Variants in BRDT observed in about 807,000 individuals in gnomAD.
BRDT encodes the protein bromodomain testis-specific protein.
A neutral mutation model predicts 113.9 loss-of-function variants in BRDT; 77 were observed. That is an observed-to-expected ratio of 0.68 (90% CI 0.56 to 0.82). BRDT has a LOEUF of 0.82. Ranked by LOEUF, BRDT falls within the 40% of genes least tolerant of loss-of-function variation. The pLI, the probability that BRDT is intolerant of heterozygous loss-of-function variation, is 0.00. For missense variants in BRDT, 1,027 were observed against 1,105.4 expected (o/e 0.93, Z 1.01); for synonymous variants, 358 against 366.5 (o/e 0.98, Z 0.26).
intron 1 of BRDT, among the ~76,000 whole-genome samples, chr1:91,956,023 A>G (rs1681726811): frequency 6.6e-6 from 1 of 152,172 alleles, no homozygotes; most frequent in Non-Finnish European, 1.5e-5. Flanking sequence ...ATTTTGCCAT[A>G]TTTGCTTTTC....
intron 18 of BRDT, among the ~76,000 whole-genome samples, chr1:92,009,670 C>A (rs1271371347): frequency 2.6e-5 from 4 of 150,990 alleles, no homozygotes; most frequent in African/African-American, 9.7e-5. Context: ...CTACCCCAAC[C>A]CCCCAGTAGC....
At chr1:91,976,981 A>T in intron 5 of BRDT, 62 bp from the exon 6 acceptor site, 1 of 1,303,998 alleles carries the variant, frequency 7.7e-7, no homozygotes, top group Non-Finnish European at 1.0e-6. Flanking sequence ...TTTAACTGAT[A>T]AGGAACTATG....
chr1:91,956,280 T>C (rs370870527), intron 1 of BRDT, among the ~76,000 whole-genome samples: 1 of 145,658 alleles, frequency 6.9e-6, no homozygotes, highest in East Asian at 2.1e-4. Context: ...GAATAACCAA[T>C]TGAGTTTGGT....
Position 91,979,978 on chromosome 1 carries a change from T to G in BRDT, c.1287+221T>G, listed in dbSNP as rs1408367178. Among the ~76,000 whole-genome samples, 3 of 152,356 alleles carry G rather than the reference T, an allele frequency of 2.0e-5. No individual in the cohort carries two copies. In the South Asian group the frequency reaches 6.2e-4, roughly 32 times the overall value. On this transcript the variant is annotated intron_variant, in intron 8 of 18. Coordinates refer to ENST00000399546, the MANE Select transcript of BRDT (RefSeq NM_207189.4). ...AAATTATGTTATCTATTCCTAATCA[T>G]GAGTGGTTGATTCTCATTGAAATGA... is the stretch of plus-strand genomic sequence containing the variant.
chr1:92,002,259 T>G, intron 16 of BRDT, 110 bp downstream of exon 16: 6 of 748,258 alleles, frequency 8.0e-6, no homozygotes, highest in Non-Finnish European at 1.3e-5. Context: ...GTTGGATCTC[T>G]AAGCCTAATT....
chr1:91,954,570 G>A (rs145330720), intron 1 of BRDT, among the ~76,000 whole-genome samples: 12 of 152,228 alleles, frequency 7.9e-5, no homozygotes, highest in Middle Eastern at 3.4e-3. Context: ...ATGAGCCACC[G>A]TGTATGACCC....
intron 1 of BRDT, among the ~76,000 whole-genome samples, chr1:91,953,965 TTTTG>T (rs1426080435): frequency 1.3e-5 from 2 of 152,094 alleles, no homozygotes; most frequent in Non-Finnish European, 2.9e-5. Context: ...TACCTGTTTT[TTTTG>T]TTTGTTTTGT....
chr1:91,994,662 T>C (rs139667152), intron 15 of BRDT, among the ~76,000 whole-genome samples: 10,052 of 151,414 alleles, frequency 0.066, 395 homozygotes, highest in African/African-American at 0.096. Context: ...GTCAGGAGAT[T>C]GAGACCATCC....
At chr1:91,976,677 T>C (rs1684169630) in intron 5 of BRDT, among the ~76,000 whole-genome samples, 3 of 152,168 alleles carry the variant, frequency 2.0e-5, no homozygotes, top group African/African-American at 4.8e-5. Flanking sequence ...ATCTTGATAG[T>C]ATTAATATCA....
At position 92,010,420 on chromosome 1, in the gene BRDT, A is replaced by G. The variant is rs1687695887; in HGVS notation, c.2776-3786A>G. On this transcript the variant is annotated intron_variant, in intron 18 of 18. Transcript: ENST00000399546. ...CTCTTGAGTAGCTAGGACTGCAGGC[A>G]CGTGCCACCATGCCCAGCTAATTTT... is the stretch of plus-strand genomic sequence containing the variant. 3.3e-5 allele frequency among the ~76,000 whole-genome samples: 5 copies of G among 151,740 alleles called. No individual in the cohort carries two copies. The South Asian group carries it at 1.0e-3, about 32-fold the overall frequency.
intron 12 of BRDT, among the ~76,000 whole-genome samples, chr1:91,983,937 C>T (rs1244923729): frequency 6.6e-6 from 1 of 152,186 alleles, no homozygotes; most frequent in Admixed American, 6.5e-5. Flanking sequence ...CCTCCTTGGC[C>T]TCCCAAAGTG....
intron 12 of BRDT, among the ~76,000 whole-genome samples, chr1:91,985,792 C>T (rs1467275805): frequency 6.6e-6 from 1 of 151,934 alleles, no homozygotes; most frequent in Non-Finnish European, 1.5e-5. Flanking sequence ...GCGCCCGCCA[C>T]CACGCCCGGC....
intron 15 of BRDT, among the ~76,000 whole-genome samples, chr1:92,001,014 A>G (rs1405433095): frequency 6.6e-6 from 1 of 152,214 alleles, no homozygotes; most frequent in Non-Finnish European, 1.5e-5. Flanking sequence ...ACTGCGTTTC[A>G]CATCCCTGTT....
Position 91,979,620 on chromosome 1 carries a change from A to G in BRDT, c.1150A>G (p.Met384Val), listed in dbSNP as rs766062214. Reference sequence around the variant, plus strand: ...GATCCCGATTGAACCTGTTGAGAGTATGCCTTTATGTTACATCAAAACAGA... The same window carrying G: ...GATCCCGATTGAACCTGTTGAGAGTGTGCCTTTATGTTACATCAAAACAGA... ...SKIPIEPVES[M>V]PLCYIKTDIT... The change falls in exon 8 of 19, where the codon ATG (methionine) becomes GTG (valine). Residue 384 changes from methionine to valine, a missense_variant. Coordinates refer to ENST00000399546, the MANE Select transcript of BRDT (RefSeq NM_207189.4). 2.4e-5 allele frequency: 38 copies of G among 1,613,686 alleles called. No individual in the cohort carries two copies. The highest frequency in any genetic ancestry group is 1.6e-4 in the Middle Eastern group (1 of 6,062).
intron 4 of BRDT, among the ~76,000 whole-genome samples, chr1:91,975,386 C>T (rs903929705): frequency 3.3e-5 from 5 of 152,042 alleles, no homozygotes; most frequent in Admixed American, 6.6e-5. Context: ...TTTTACTTAG[C>T]GAGATTACAA....
intron 12 of BRDT, among the ~76,000 whole-genome samples, chr1:91,988,134 AC>A (rs1178761490): frequency 2.6e-5 from 4 of 152,218 alleles, no homozygotes; most frequent in Admixed American, 2.0e-4. Context: ...GGTGTGAGCC[AC>A]CGTGCCCGGC....
intron 1 of BRDT, among the ~76,000 whole-genome samples, chr1:91,956,280 T>A (rs370870527): frequency 1.4e-5 from 2 of 145,778 alleles, no homozygotes; most frequent in South Asian, 4.5e-4. Flanking sequence ...GAATAACCAA[T>A]TGAGTTTGGT....
Position 91,978,313 on chromosome 1 carries a change from G to T in BRDT, c.1098+17G>T. On this transcript the variant is annotated intron_variant, in intron 7 of 18. Coordinates refer to ENST00000399546, the MANE Select transcript of BRDT (RefSeq NM_207189.4). ...ATGCTTCAGGTGAGCTGTTACTTGTGCTCTGAAGGTGTTTTTCCTCTGAAC... is the reference window on the plus strand; with the variant it reads ...ATGCTTCAGGTGAGCTGTTACTTGTTCTCTGAAGGTGTTTTTCCTCTGAAC... 6.2e-7 allele frequency: 1 copy of T among 1,611,796 alleles called. No individual in the cohort carries two copies. The highest frequency in any genetic ancestry group is 8.5e-7 in the Non-Finnish European group (1 of 1,179,246).
At chr1:91,982,402 A>G (rs1044797844) in intron 12 of BRDT, among the ~76,000 whole-genome samples, 6 of 152,190 alleles carry the variant, frequency 3.9e-5, no homozygotes, top group African/African-American at 1.4e-4. Flanking sequence ...GTGCTTTTCT[A>G]TTAATGATTA....
Sources: allele counts gnomAD v4.1 joint callset (sites outside exome capture counted in the v4.1 genomes callset), GRCh38; gene constraint gnomAD v4.1.1; transcripts MANE v1.5; gene names NCBI Gene and HGNC (gene_info 2026-07-23, HGNC 2026-07-21).